Variants in EXT1 observed in about 807,000 individuals in gnomAD.
EXT1 encodes exostosin glycosyltransferase 1.
In EXT1, 20 loss-of-function variants were observed where a neutral mutation model predicts 82.5. The ratio of observed to expected loss-of-function variants is 0.24; its 90% CI spans 0.17 to 0.35. The LOEUF is 0.35. EXT1 is among the 10% of genes least tolerant of loss of function. EXT1 has a pLI of 1.00. For missense variants in EXT1, 757 were observed against 936.5 expected (o/e 0.81, Z 2.50); for synonymous variants, 348 against 350.8 (o/e 0.99, Z 0.09).
chr8:118,047,387 C>G (rs78852850), intron 1 of EXT1, among the ~76,000 whole-genome samples: 1,662 of 152,228 alleles, frequency 0.011, 30 homozygotes, highest in African/African-American at 0.038. Context: ...GTACTTAACC[C>G]TCTTAGGTTT....
intron 1 of EXT1, among the ~76,000 whole-genome samples, chr8:118,044,567 C>G (rs1164091488): frequency 1.3e-5 from 2 of 152,104 alleles, no homozygotes; most frequent in Admixed American, 6.5e-5. Flanking sequence ...GCCATCATGC[C>G]TGGCTAATTT....
intron 1 of EXT1, among the ~76,000 whole-genome samples, chr8:117,923,685 C>A (rs1813901909): frequency 6.6e-6 from 1 of 151,268 alleles, no homozygotes; most frequent in Admixed American, 6.6e-5. Context: ...GAGATCGTGC[C>A]ACTGCACTCC....
intron 1 of EXT1, among the ~76,000 whole-genome samples, chr8:117,867,273 A>AAAAAAAAAAAAAAAAAT (rs1812791068): frequency 6.6e-6 from 1 of 150,800 alleles, no homozygotes. Flanking sequence ...AAAAAAAAAA[A>AAAAAAAAAAAAAAAAAT]GCTTGAGGAA....
At chr8:117,973,930 C>CAAGGAAGG (rs759924955) in intron 1 of EXT1, among the ~76,000 whole-genome samples, 9,642 of 79,448 alleles carry the variant, frequency 0.12, 1,190 homozygotes, top group African/African-American at 0.15. Context: ...AGGCAGAAAG[C>CAAGGAAGG]AAGGAAGGAA....
At chr8:118,054,167 C>T (rs1354786924) in intron 1 of EXT1, among the ~76,000 whole-genome samples, 2 of 152,204 alleles carry the variant, frequency 1.3e-5, no homozygotes, top group Non-Finnish European at 2.9e-5. Context: ...GTCTTCCTCC[C>T]TCCATTGCTC....
At chr8:117,972,041 T>A (rs1286271961) in intron 1 of EXT1, among the ~76,000 whole-genome samples, 2 of 151,250 alleles carry the variant, frequency 1.3e-5, no homozygotes, top group Non-Finnish European at 2.9e-5. Context: ...TCCCAGCTAC[T>A]CAGGAGGCTA....
intron 1 of EXT1, among the ~76,000 whole-genome samples, chr8:117,960,492 T>A (rs1279593932): frequency 2.0e-5 from 3 of 152,156 alleles, no homozygotes; most frequent in Non-Finnish European, 4.4e-5. Context: ...TCACCCTGTC[T>A]TAGAGGAACT....
At position 117,819,802 on chromosome 8, in the gene EXT1, A is replaced by G. The variant is rs756620655; in HGVS notation, c.1418-8T>C. 1.9e-6 allele frequency: 3 copies of G among 1,611,164 alleles called. No individual in the cohort carries two copies. The East Asian group carries it at 6.7e-5, about 36-fold the overall frequency. ...TGGAGGGGGGCTTTAAACCTGAAAT[A>G]AAAAGGAGAGTAGAGCCTAATGAAG... On this transcript the variant is annotated splice_polypyrimidine_tract_variant and splice_region_variant and intron_variant, in intron 5 of 10. Coordinates refer to ENST00000378204, the MANE Select transcript of EXT1 (RefSeq NM_000127.3).
intron 1 of EXT1, among the ~76,000 whole-genome samples, chr8:118,096,596 AAAGGAAGG>A (rs145028080): frequency 1.7e-5 from 2 of 119,082 alleles, no homozygotes; most frequent in Non-Finnish European, 3.6e-5. Flanking sequence ...CTCCGTCAAG[AAAGGAAGG>A]AAGGAAGGAA....
intron 1 of EXT1, among the ~76,000 whole-genome samples, chr8:117,857,994 T>C (rs1812595296): frequency 6.6e-6 from 1 of 152,182 alleles, no homozygotes; most frequent in African/African-American, 2.4e-5. Context: ...ATGGTAGAAC[T>C]AGCAAGAGAT....
intron 1 of EXT1, among the ~76,000 whole-genome samples, chr8:117,873,212 C>T (rs1320139872): frequency 6.6e-6 from 1 of 152,160 alleles, no homozygotes; most frequent in Non-Finnish European, 1.5e-5. Flanking sequence ...TGGTCTCGGA[C>T]TCTGAGTCTC....
At chr8:117,837,307 G>C (rs1283160990) in intron 1 of EXT1, 106 bp from the exon 2 acceptor site, 14 of 889,238 alleles carry the variant, frequency 1.6e-5, no homozygotes, top group Non-Finnish European at 2.6e-5. Flanking sequence ...AAGCAACTCG[G>C]GAAAGCCACC....
chr8:118,038,882 T>C (rs1816473952), intron 1 of EXT1, among the ~76,000 whole-genome samples: 1 of 152,230 alleles, frequency 6.6e-6, no homozygotes, highest in Non-Finnish European at 1.5e-5. Flanking sequence ...GTTCCTCTTT[T>C]CCTATAGATC....
Position 117,925,588 on chromosome 8 carries a change from G to A in EXT1, c.963-88387C>T, listed in dbSNP as rs150619096. The stretch of plus-strand genomic sequence containing the variant: ...GTTTTGACATAAAAACAAGAAATTG[G>A]CCAGGTGTGGTGGCTCACACCTGTA... On this transcript the variant is annotated intron_variant, in intron 1 of 10. Transcript: ENST00000378204. Among the ~76,000 whole-genome samples, 499 of 151,624 alleles carry A rather than the reference G, an allele frequency of 3.3e-3. 3 individuals are homozygous for A. The highest frequency in any genetic ancestry group is 0.011 in the African/African-American group (454 of 41,316).
chr8:117,878,875 C>T (rs550367603), intron 1 of EXT1, among the ~76,000 whole-genome samples: 5 of 152,228 alleles, frequency 3.3e-5, no homozygotes, highest in Non-Finnish European at 7.3e-5. Context: ...TGGCTTTCAA[C>T]AACACATCCA....
At position 117,910,020 on chromosome 8, in the gene EXT1, G is replaced by A. The variant is rs538322354; in HGVS notation, c.963-72819C>T. On this transcript the variant is annotated intron_variant, in intron 1 of 10. Transcript: ENST00000378204. Reference sequence around the variant, plus strand: ...TGACTTCAAGTGGTCCACCCGTGCCGGCCTCCCAAAGCGTTGGGATTACAG... The same window carrying A: ...TGACTTCAAGTGGTCCACCCGTGCCAGCCTCCCAAAGCGTTGGGATTACAG... Among the ~76,000 whole-genome samples, 33 of 152,234 alleles carry A rather than the reference G, an allele frequency of 2.2e-4. No homozygotes were observed. The East Asian group carries it at 3.3e-3, about 15-fold the overall frequency.
intron 1 of EXT1, among the ~76,000 whole-genome samples, chr8:117,926,158 T>C (rs1813949424): frequency 6.6e-6 from 1 of 152,246 alleles, no homozygotes; most frequent in Admixed American, 6.5e-5. Context: ...ATAAAGTCTA[T>C]AATCAAAGTA....
intron 1 of EXT1, among the ~76,000 whole-genome samples, chr8:117,880,368 T>C (rs1251766108): frequency 6.6e-6 from 1 of 152,200 alleles, no homozygotes; most frequent in Admixed American, 6.6e-5. Context: ...CAGTAGTTTG[T>C]ATATAATGGG....
chr8:118,064,549 G>A (rs1816942345), intron 1 of EXT1, among the ~76,000 whole-genome samples: 1 of 152,156 alleles, frequency 6.6e-6, no homozygotes, highest in African/African-American at 2.4e-5. Context: ...TGGTATATAT[G>A]TGCCACATTT....
Sources: gnomAD v4.1 joint callset for allele counts (sites outside exome capture counted in the v4.1 genomes callset) on GRCh38, gnomAD v4.1.1 for gene constraint, MANE v1.5 for transcripts, NCBI Gene and HGNC (gene_info 2026-07-23, HGNC 2026-07-21) for gene names.